The following CBFB variants were observed in gnomAD, a reference collection of about 807,000 sequenced individuals.
CBFB encodes core-binding factor subunit beta, also known as CBF-beta.
Under a neutral mutation model 30.4 loss-of-function variants are expected in CBFB, and 9 were observed. The observed-to-expected ratio is 0.30, with a 90% CI of 0.18 to 0.52. The LOEUF (loss-of-function observed/expected upper bound fraction) is 0.52. Among genes scored for constraint, CBFB ranks in the 20% least tolerant of loss-of-function variants. The pLI is 0.97. For synonymous variants in CBFB, 94 were observed against 84.0 expected (o/e 1.12, Z -0.65); for missense variants, 170 against 244.0 (o/e 0.70, Z 2.02).
At chr16:67,033,996 T>C (rs888534182) in intron 2 of CBFB, among the ~76,000 whole-genome samples, 1 of 151,800 alleles carries the variant, frequency 6.6e-6, no homozygotes, top group Non-Finnish European at 1.5e-5. Context: ...ACCCGGCTAA[T>C]TTTTTGTATT....
At chr16:67,090,193 G>A (rs932510577) in intron 5 of CBFB, among the ~76,000 whole-genome samples, 3 of 152,194 alleles carry the variant, frequency 2.0e-5, no homozygotes, top group Non-Finnish European at 4.4e-5. Flanking sequence ...GGTAATGTTA[G>A]TTCTTGACCT....
chr16:67,053,373 C>CCTCCCGAGT (rs915974541), intron 3 of CBFB, among the ~76,000 whole-genome samples: 6 of 151,196 alleles, frequency 4.0e-5, no homozygotes, highest in Non-Finnish European at 8.8e-5. Context: ...CCTGCCTCAG[C>CCTCCCGAGT]CTCCCGAGTA....
intron 4 of CBFB, among the ~76,000 whole-genome samples, chr16:67,077,502 C>G (rs1249867850): frequency 6.6e-6 from 1 of 152,144 alleles, no homozygotes; most frequent in Non-Finnish European, 1.5e-5. Context: ...CCATTTGCAG[C>G]TGCACATACT....
chr16:67,078,181 T>C (rs1961459526), intron 4 of CBFB, among the ~76,000 whole-genome samples: 1 of 152,240 alleles, frequency 6.6e-6, no homozygotes, highest in Non-Finnish European at 1.5e-5. Context: ...TAATTGCTGA[T>C]TGTCTTTCCA....
At chr16:67,073,074 T>C (rs529522246) in intron 4 of CBFB, among the ~76,000 whole-genome samples, 2 of 152,152 alleles carry the variant, frequency 1.3e-5, no homozygotes, top group African/African-American at 4.8e-5. Context: ...ATATTATAAT[T>C]AGTAAATTTG....
At chr16:67,068,135 G>A (rs1045884252) in intron 4 of CBFB, among the ~76,000 whole-genome samples, 3 of 152,198 alleles carry the variant, frequency 2.0e-5, no homozygotes, top group African/African-American at 7.2e-5. Context: ...CCAGTCATTG[G>A]CTGACGGCTG....
intron 4 of CBFB, among the ~76,000 whole-genome samples, chr16:67,077,817 TACA>T (rs1365618857): frequency 1.2e-4 from 18 of 152,366 alleles, no homozygotes; most frequent in Non-Finnish European, 2.1e-4. Context: ...AGAGAATTAC[TACA>T]ACAAGAGTGG....
At chr16:67,081,453 G>A (rs1188081980) in intron 4 of CBFB, among the ~76,000 whole-genome samples, 2 of 151,888 alleles carry the variant, frequency 1.3e-5, no homozygotes, top group African/African-American at 4.8e-5. Flanking sequence ...AAGAAAATCT[G>A]ACTTTTTTTT....
chr16:67,090,154 G>A (rs1249945336), intron 5 of CBFB, among the ~76,000 whole-genome samples: 1 of 152,190 alleles, frequency 6.6e-6, no homozygotes, highest in East Asian at 1.9e-4. Context: ...GTGACTAGAA[G>A]TGGGTATGAA....
At chr16:67,084,914 A>G (rs1245343599) in intron 5 of CBFB, among the ~76,000 whole-genome samples, 1 of 152,154 alleles carries the variant, frequency 6.6e-6, no homozygotes, top group Non-Finnish European at 1.5e-5. Context: ...CTCATCTACA[A>G]AATAGGAGTA....
intron 2 of CBFB, among the ~76,000 whole-genome samples, chr16:67,031,832 T>A (rs76290517): frequency 2.0e-5 from 3 of 151,812 alleles, no homozygotes; most frequent in African/African-American, 2.4e-5. Context: ...TTTTTTTTTT[T>A]AAGAGAGAGG....
chr16:67,046,070 A>G (rs2145724843), intron 3 of CBFB, among the ~76,000 whole-genome samples: 1 of 152,002 alleles, frequency 6.6e-6, no homozygotes, highest in South Asian at 2.1e-4. Flanking sequence ...TGTTGGGATT[A>G]TAGGCGCTCT....
chr16:67,046,497 C>G (rs557333067), intron 3 of CBFB, among the ~76,000 whole-genome samples: 1 of 152,236 alleles, frequency 6.6e-6, no homozygotes, highest in African/African-American at 2.4e-5. Flanking sequence ...CCTAGTTTTA[C>G]TATTTCCCAT....
intron 2 of CBFB, among the ~76,000 whole-genome samples, chr16:67,034,826 T>A (rs745695377): frequency 6.6e-6 from 1 of 152,202 alleles, no homozygotes; most frequent in Non-Finnish European, 1.5e-5. Flanking sequence ...CTCTGAGAAT[T>A]TCATTATCTG....
intron 3 of CBFB, among the ~76,000 whole-genome samples, chr16:67,042,065 C>T (rs1966541281): frequency 6.6e-6 from 1 of 151,876 alleles, no homozygotes; most frequent in Admixed American, 6.6e-5. Context: ...TCACCTGTAA[C>T]CCCAGCACCA....
intron 3 of CBFB, among the ~76,000 whole-genome samples, chr16:67,053,048 A>G (rs947987837): frequency 7.9e-5 from 12 of 151,488 alleles, no homozygotes; most frequent in African/African-American, 2.9e-4. Context: ...AAAACTTTAC[A>G]GTTCTTTTCC....
At chr16:67,073,105 T>G (rs1266662317) in intron 4 of CBFB, among the ~76,000 whole-genome samples, 1 of 152,204 alleles carries the variant, frequency 6.6e-6, no homozygotes. Flanking sequence ...CATCTTCAAT[T>G]GAGTGTCTGT....
At chr16:67,039,397 G>T (rs939198707) in intron 3 of CBFB, among the ~76,000 whole-genome samples, 1 of 152,212 alleles carries the variant, frequency 6.6e-6, no homozygotes, top group African/African-American at 2.4e-5. Context: ...CTCTGGGTCA[G>T]TCAGTTGAGT....
In CBFB at chr16:67,029,823, C is replaced by T. The variant is rs1221585946; in HGVS notation, c.165+10C>T. On this transcript the variant is annotated intron_variant, in intron 2 of 5. Coordinates refer to ENST00000412916, the MANE Select transcript of CBFB (RefSeq NM_022845.3). ...CGGCCGCTCGGAAATCGTAAGTCGGCTGGCCCGGGGCGCGCGCGGGTCACT... is the reference window on the plus strand; with the variant it reads ...CGGCCGCTCGGAAATCGTAAGTCGGTTGGCCCGGGGCGCGCGCGGGTCACT... 1 of 1,580,364 alleles carries T rather than the reference C, an allele frequency of 6.3e-7. No individual in the cohort carries two copies. The highest frequency in any genetic ancestry group is 8.6e-7 in the Non-Finnish European group (1 of 1,165,156).
Sources: gnomAD v4.1 joint callset for allele counts (sites outside exome capture counted in the v4.1 genomes callset) on GRCh38, gnomAD v4.1.1 for gene constraint, MANE v1.5 for transcripts, NCBI Gene and HGNC (gene_info 2026-07-23, HGNC 2026-07-21) for gene names.